TBC1D26: variants seen among roughly 807,000 people sequenced by gnomAD.
The protein encoded by TBC1D26 is TBC1 domain family member 26, also known as TBC1 domain family, member 26.
Under a neutral mutation model 42.5 loss-of-function variants are expected in TBC1D26, and 19 were observed. The ratio of observed to expected loss-of-function variants is 0.45; its 90% CI spans 0.31 to 0.66. The LOEUF is 0.66. TBC1D26 is among the 30% of genes least tolerant of loss of function. The pLI is 0.06. For synonymous variants in TBC1D26, 97 were observed against 123.5 expected, an observed-to-expected ratio of 0.79 and a Z score of 1.42; for missense variants, 228 against 332.6, an observed-to-expected ratio of 0.69 and a Z score of 2.45.
chr17:15,737,575 G>T, intron 5 of TBC1D26, 52 bp downstream of exon 5: 1 of 1,606,952 alleles, frequency 6.2e-7, no homozygotes, highest in Non-Finnish European at 8.5e-7. Flanking sequence ...CTGGGAATCG[G>T]GTGGTCGGTA....
At position 15,740,124 on chromosome 17, in the gene TBC1D26, C is replaced by A. The variant is rs372997102; in HGVS notation, c.522C>A (p.Leu174=). The A allele has an allele frequency of 1.6e-5, 26 of 1,613,934 alleles. No homozygotes were observed. The highest frequency in any genetic ancestry group is 1.6e-4 in the Middle Eastern group (1 of 6,082). ...GVKQQELCDI[L]VAYSAYNPEV... ...GGCAGCAGGAATTATGTGACATCCT[C>A]GTGGCCTATTCTGCATATAACCCTG... is the stretch of plus-strand genomic sequence containing the variant. The change falls in exon 9 of 15, where the codon CTC becomes CTA. Residue 174 remains leucine, a synonymous_variant. Coordinates refer to ENST00000437605, the MANE Select transcript of TBC1D26 (RefSeq NM_001388465.1).
intron 7 of TBC1D26, 61 bp downstream of exon 7, chr17:15,738,448 G>A (rs1967684221): frequency 6.3e-7 from 1 of 1,585,152 alleles, no homozygotes; most frequent in East Asian, 2.3e-5. Context: ...AGGAGCCCAG[G>A]ACTCCAGCTG....
At chr17:15,743,638 C>A (rs1967850975) in intron 14 of TBC1D26, 122 bp downstream of exon 14, 1 of 221,318 alleles carries the variant, frequency 4.5e-6, no homozygotes, top group Non-Finnish European at 7.7e-6. Flanking sequence ...TCCTCCTCTT[C>A]CTCCTCTACT....
At chr17:15,741,916 G>A (rs1432865804) in intron 10 of TBC1D26, 26 bp from the exon 11 acceptor site, 1 of 1,611,514 alleles carries the variant, frequency 6.2e-7, no homozygotes, top group South Asian at 1.1e-5. Context: ...GGGGTCTGAT[G>A]GGGTGATGGG....
Position 15,741,957 on chromosome 17 carries a change from A to G in TBC1D26, c.662A>G (p.Asn221Ser). 6.2e-6 allele frequency: 10 copies of G among 1,614,016 alleles called. No individual in the cohort carries two copies. Among genetic ancestry groups the G allele is most frequent in the Non-Finnish European group, 8.5e-6 (10 of 1,179,984 alleles). The change falls in exon 11 of 15, where the codon AAT becomes AGT. Residue 221 changes from asparagine to serine, a missense_variant. By Grantham distance (46) the Asn-to-Ser change is conservative. Coordinates refer to ENST00000437605, the MANE Select transcript of TBC1D26 (RefSeq NM_001388465.1). ...TQLLAVFYSPNTAWLERLLSH... is the reference protein window; with the variant it reads ...TQLLAVFYSPSTAWLERLLSH... ...GGCTTCTCAGTATTCTACAGCCCAA[A>G]TACTGCCTGGCTCGAGAGGCTCCTA...
intron 1 of TBC1D26, among the ~76,000 whole-genome samples, 184 bp downstream of exon 1, chr17:15,732,568 A>T (rs1221559530): frequency 6.7e-6 from 1 of 150,060 alleles, no homozygotes; most frequent in South Asian, 2.2e-4. Context: ...CCATTCCACA[A>T]GTGAGATGTC....
intron 9 of TBC1D26, chr17:15,740,421 G>C: frequency 7.2e-7 from 1 of 1,393,726 alleles, no homozygotes. Context: ...ACACAGGATG[G>C]TCCTTGTAGG....
chr17:15,740,067 CAA>C (rs58354673), intron 8 of TBC1D26, 31 bp from the exon 9 acceptor site: 101 of 1,533,496 alleles, frequency 6.6e-5, no homozygotes, highest in East Asian at 3.7e-4. Flanking sequence ...TGCACACACA[CAA>C]AAAAAAAACC....
intron 10 of TBC1D26, 136 bp downstream of exon 10, chr17:15,741,357 C>T (rs1249411939): frequency 1.3e-6 from 2 of 1,500,872 alleles, no homozygotes; most frequent in Non-Finnish European, 1.8e-6. Context: ...TTGTTTGGAG[C>T]CTCCAGGATG....
chr17:15,737,193 G>A (rs570488140), intron 4 of TBC1D26, among the ~76,000 whole-genome samples: 1 of 152,204 alleles, frequency 6.6e-6, no homozygotes, highest in African/African-American at 2.4e-5. Context: ...TCCACAGAGG[G>A]TGTCACCTCC....
At chr17:15,737,223 C>G (rs1177631099) in intron 4 of TBC1D26, among the ~76,000 whole-genome samples, 1 of 152,174 alleles carries the variant, frequency 6.6e-6, no homozygotes, top group Non-Finnish European at 1.5e-5. Context: ...GGAGCAGCAC[C>G]ATTGTGCAGC....
chr17:15,734,387 C>T (rs1035422875), intron 1 of TBC1D26, among the ~76,000 whole-genome samples: 21 of 152,102 alleles, frequency 1.4e-4, no homozygotes, highest in Admixed American at 2.6e-4. Context: ...ACCTAAAGTG[C>T]GATCACTGAT....
intron 5 of TBC1D26, 158 bp from the exon 6 acceptor site, chr17:15,737,839 C>T (rs1383201836): frequency 1.1e-6 from 1 of 921,062 alleles, no homozygotes; most frequent in Admixed American, 2.5e-5. Flanking sequence ...AGACTACCAG[C>T]TCCAGTTCCT....
intron 5 of TBC1D26, 40 bp from the exon 6 acceptor site, chr17:15,737,957 C>G (rs1381243199): frequency 6.2e-7 from 1 of 1,613,330 alleles, no homozygotes; most frequent in Non-Finnish European, 8.5e-7. Context: ...CTGTCAGACG[C>G]CTGGCAGCTC....
At chr17:15,743,619 A>ACCTCTTCTTCCTCCTCTT (rs1173247275) in intron 14 of TBC1D26, 103 bp downstream of exon 14, 3 of 287,842 alleles carry the variant, frequency 1.0e-5, no homozygotes, top group African/African-American at 6.8e-5. Context: ...TTCCTCCTGC[A>ACCTCTTCTTCCTCCTCTT]CCTCTTCTTC....
At chr17:15,742,292 G>C (rs1226444406) in intron 11 of TBC1D26, 122 bp from the exon 12 acceptor site, 8 of 521,018 alleles carry the variant, frequency 1.5e-5, no homozygotes, top group Middle Eastern at 1.0e-3. Flanking sequence ...CATGGGGCAG[G>C]TGTTGGAGCC....
chr17:15,734,521 C>T (rs1488430075), intron 1 of TBC1D26, among the ~76,000 whole-genome samples: 1 of 151,762 alleles, frequency 6.6e-6, no homozygotes, highest in Non-Finnish European at 1.5e-5. Flanking sequence ...GGGTGACAAT[C>T]GTCTCTCCTG....
intron 1 of TBC1D26, among the ~76,000 whole-genome samples, chr17:15,732,921 G>A (rs569855142): frequency 1.3e-5 from 2 of 152,138 alleles, no homozygotes; most frequent in South Asian, 2.1e-4. Context: ...GGAGCCCTCC[G>A]CCTGTGGGCA....
rs1247139978 is a variant in TBC1D26, at chr17:15,742,053, C to G, written c.741+17C>G. ...AGACACCTGGTGAGTGGATGACACC[C>G]TCAGCTCCTAACCAGACGCCCTGGC... On this transcript the variant is annotated intron_variant, in intron 11 of 14. Transcript: ENST00000437605. The G allele has an allele frequency of 6.2e-7, 1 of 1,609,566 alleles. No homozygotes were observed. Among genetic ancestry groups the G allele is most frequent in the Admixed American group, 1.7e-5 (1 of 59,960 alleles).
Sources: allele counts gnomAD v4.1 joint callset (sites outside exome capture counted in the v4.1 genomes callset), GRCh38; gene constraint gnomAD v4.1.1; transcripts MANE v1.5; gene names NCBI Gene and HGNC (gene_info 2026-07-23, HGNC 2026-07-21).